Variants in DLG1 observed in about 807,000 individuals in gnomAD.
DLG1 encodes discs large MAGUK scaffold protein 1, also known as disks large homolog 1.
Under a neutral mutation model 123.4 loss-of-function variants are expected in DLG1, and 42 were observed. The observed-to-expected ratio is 0.34, with a 90% CI of 0.27 to 0.44. DLG1 has a LOEUF of 0.44. Among genes scored for constraint, DLG1 ranks in the 20% least tolerant of loss-of-function variants. The pLI is 1.00. For synonymous variants in DLG1, 317 were observed against 356.2 expected (o/e 0.89, Z 1.24); for missense variants, 942 against 1,082.6 (o/e 0.87, Z 1.82).
At chr3:197,240,955 G>A (rs1373386597) in intron 4 of DLG1, among the ~76,000 whole-genome samples, 1 of 152,010 alleles carries the variant, frequency 6.6e-6, no homozygotes, top group South Asian at 2.1e-4. Context: ...AGTGTTCAAA[G>A]AAAGTTGAGC....
chr3:197,111,419 A>G (rs1239854665), intron 13 of DLG1, among the ~76,000 whole-genome samples: 1 of 152,248 alleles, frequency 6.6e-6, no homozygotes, highest in Non-Finnish European at 1.5e-5. Context: ...TTATTTGGAC[A>G]CAAAGTGTGA....
At chr3:197,186,062 C>T (rs908037736) in intron 5 of DLG1, among the ~76,000 whole-genome samples, 1 of 152,136 alleles carries the variant, frequency 6.6e-6, no homozygotes, top group African/African-American at 2.4e-5. Context: ...CCATTCACAT[C>T]AAGAAAACAA....
intron 4 of DLG1, among the ~76,000 whole-genome samples, chr3:197,200,426 G>A (rs759957824): frequency 6.6e-6 from 1 of 152,108 alleles, no homozygotes; most frequent in Non-Finnish European, 1.5e-5. Context: ...GGAGCAGTGA[G>A]GCTTAATATG....
At chr3:197,228,106 G>A (rs1346779204) in intron 4 of DLG1, among the ~76,000 whole-genome samples, 2 of 152,164 alleles carry the variant, frequency 1.3e-5, no homozygotes, top group African/African-American at 2.4e-5. Context: ...AAACCTGGAA[G>A]CACAAATGTG....
intron 4 of DLG1, among the ~76,000 whole-genome samples, chr3:197,258,049 T>C (rs1260157192): frequency 6.6e-6 from 1 of 152,172 alleles, no homozygotes; most frequent in Non-Finnish European, 1.5e-5. Flanking sequence ...TTAAAGTACA[T>C]AAAAATGTAT....
intron 5 of DLG1, among the ~76,000 whole-genome samples, chr3:197,184,979 T>C (rs1454888377): frequency 1.3e-5 from 2 of 152,170 alleles, no homozygotes; most frequent in African/African-American, 4.8e-5. Flanking sequence ...CTGGGAATTT[T>C]TATGTTTAAA....
chr3:197,051,726 G>C, intron 23 of DLG1, 58 bp from the exon 24 acceptor site: 1 of 1,312,890 alleles, frequency 7.6e-7, no homozygotes, highest in Non-Finnish European at 1.1e-6. Context: ...TTAAAAAAAA[G>C]ATGGCAAAGG....
At chr3:197,243,435 AC>A (rs1295069184) in intron 4 of DLG1, among the ~76,000 whole-genome samples, 1 of 152,178 alleles carries the variant, frequency 6.6e-6, no homozygotes. Flanking sequence ...CTTCAAACTT[AC>A]CTAACATGAC....
At chr3:197,242,649 A>T (rs143812790) in intron 4 of DLG1, among the ~76,000 whole-genome samples, 2 of 152,272 alleles carry the variant, frequency 1.3e-5, no homozygotes, top group African/African-American at 4.8e-5. Flanking sequence ...GAACTTCAAA[A>T]ACGTATGGAA....
In DLG1 at chr3:197,195,873, TAAAA is replaced by T. The variant is rs1472931837; in HGVS notation, c.319-1288_319-1285del. Among the ~76,000 whole-genome samples the T allele has an allele frequency of 4.0e-5, 6 of 151,186 alleles. No individual in the cohort carries two copies. In the East Asian group the frequency reaches 1.2e-3, roughly 29 times the overall value. ...AACCTACATATGTACCCCCTGAACT[TAAAA>T]TAAAAGTAGAAAAAAATGGGTCAGT... On this transcript the variant is annotated intron_variant, in intron 4 of 24. Coordinates refer to ENST00000667157, the MANE Select transcript of DLG1 (RefSeq NM_001366207.1).
chr3:197,095,766 G>A (rs1043725897), intron 14 of DLG1, among the ~76,000 whole-genome samples: 1 of 152,026 alleles, frequency 6.6e-6, no homozygotes, highest in Non-Finnish European at 1.5e-5. Context: ...TTATTTATAT[G>A]AGTAAAAACT....
intron 23 of DLG1, among the ~76,000 whole-genome samples, chr3:197,052,235 A>T (rs1728324674): frequency 6.6e-6 from 1 of 152,030 alleles, no homozygotes. Flanking sequence ...CAGGTGGATC[A>T]CTTGAGGTAA....
intron 4 of DLG1, among the ~76,000 whole-genome samples, chr3:197,253,406 G>A (rs1050661226): frequency 2.0e-5 from 3 of 152,086 alleles, no homozygotes; most frequent in African/African-American, 7.2e-5. Context: ...CCAAATGCTG[G>A]CAAGGATGTG....
At chr3:197,146,994 A>C (rs1405571301) in intron 6 of DLG1, among the ~76,000 whole-genome samples, 4 of 152,246 alleles carry the variant, frequency 2.6e-5, no homozygotes, top group African/African-American at 9.6e-5. Context: ...GGACATGAAT[A>C]GAAAATTCTC....
At chr3:197,189,048 T>G (rs563656595) in intron 5 of DLG1, among the ~76,000 whole-genome samples, 1 of 152,342 alleles carries the variant, frequency 6.6e-6, no homozygotes, top group Admixed American at 6.5e-5. Flanking sequence ...CGAAACAGTC[T>G]TAATCATTCT....
At chr3:197,175,929 T>C (rs1304730979) in intron 5 of DLG1, among the ~76,000 whole-genome samples, 2 of 152,192 alleles carry the variant, frequency 1.3e-5, no homozygotes, top group East Asian at 1.9e-4. Flanking sequence ...TCAGCACTGT[T>C]ATTAACACAT....
At chr3:197,296,643 A>T (rs1424350035) in intron 2 of DLG1, 166 bp from the exon 3 acceptor site, 8 of 368,034 alleles carry the variant, frequency 2.2e-5, no homozygotes, top group Admixed American at 4.4e-5. Context: ...ACCAAAAAAT[A>T]AAAAAAAAAA....
intron 14 of DLG1, among the ~76,000 whole-genome samples, chr3:197,093,544 T>C (rs899807680): frequency 2.0e-5 from 3 of 146,640 alleles, no homozygotes; most frequent in African/African-American, 7.6e-5. Flanking sequence ...CTGCACAATA[T>C]AGAAAGATGT....
chr3:197,127,320 G>C (rs965966722), intron 11 of DLG1, among the ~76,000 whole-genome samples: 1 of 148,546 alleles, frequency 6.7e-6, no homozygotes, highest in African/African-American at 2.5e-5. Context: ...CTACTAGGGG[G>C]GCTGAGGCAG....
Sources: gnomAD v4.1 joint callset for allele counts (sites outside exome capture counted in the v4.1 genomes callset) on GRCh38, gnomAD v4.1.1 for gene constraint, MANE v1.5 for transcripts, NCBI Gene and HGNC (gene_info 2026-07-23, HGNC 2026-07-21) for gene names.